Variants in KRT86 observed in about 807,000 individuals in gnomAD.
The protein encoded by KRT86 is keratin, type II cuticular Hb6.
A neutral mutation model predicts 41.2 loss-of-function variants in KRT86; 30 were observed. That is an observed-to-expected ratio of 0.73 (90% CI 0.54 to 0.99). The LOEUF (loss-of-function observed/expected upper bound fraction) is 0.99, where lower values mean the gene tolerates loss of function less well. Ranked by LOEUF, KRT86 falls within the 50% of genes least tolerant of loss-of-function variation. The pLI, the probability that KRT86 is intolerant of heterozygous loss-of-function variation, is 0.00. For missense variants in KRT86, 561 were observed against 571.4 expected (o/e 0.98, Z 0.19); for synonymous variants, 238 against 238.1 (o/e 1.00, Z 0.00).
At chr12:52,299,876 C>A (rs987524425) in intron 2 of KRT86, among the ~76,000 whole-genome samples, 1 of 152,198 alleles carries the variant, frequency 6.6e-6, no homozygotes, top group Admixed American at 6.5e-5. Flanking sequence ...GCAAATATTT[C>A]TTCCATTCTG....
At chr12:52,279,087 G>GCCGGCCCCCGCC (rs1555185465) in intron 2 of KRT86, 10 of 152,054 alleles carry the variant, frequency 6.6e-5, no homozygotes, top group African/African-American at 2.2e-4. Flanking sequence ...CCTCCGTTCA[G>GCCGGCCCCCGCC]CCGGGCTCCG....
rs3741734 is a variant in KRT86, at chr12:52,305,944, G to A, written c.1027-116G>A. On this transcript the variant is annotated intron_variant, in intron 8 of 10. Coordinates refer to ENST00000423955, the MANE Select transcript of KRT86 (RefSeq NM_001320198.2). ...GTCTCTGTGAGTCCCAGGTGATGAA[G>A]GCAAGAGGCTCTGTTCTGGGGTGCT... The A allele has an allele frequency of 0.5, 778,173 of 1,565,358 alleles. 198,037 individuals carry two copies. The highest frequency in any genetic ancestry group is 0.71 in the African/African-American group (51,913 of 73,620).
At chr12:52,304,606 G>T (rs538471243) in intron 5 of KRT86, among the ~76,000 whole-genome samples, 3,176 of 151,756 alleles carry the variant, frequency 0.021, 45 homozygotes, top group Non-Finnish European at 0.03. Context: ...TTGGAGCACT[G>T]CTGGGGGACA....
chr12:52,296,219 G>A (rs1294211984), intron 2 of KRT86, among the ~76,000 whole-genome samples: 2 of 152,174 alleles, frequency 1.3e-5, no homozygotes, highest in Non-Finnish European at 2.9e-5. Flanking sequence ...AAGAAAATGA[G>A]GGAGAGATCT....
At chr12:52,305,909 C>T in intron 8 of KRT86, 121 bp downstream of exon 8, 1 of 1,590,836 alleles carries the variant, frequency 6.3e-7, no homozygotes, top group East Asian at 2.3e-5. Context: ...ATGTAGAGTC[C>T]CTGGTTGTGG....
chr12:52,287,683 C>A (rs1365274265), intron 2 of KRT86: 1 of 1,613,926 alleles, frequency 6.2e-7, no homozygotes, highest in South Asian at 1.1e-5. Flanking sequence ...GGCGCAGGGT[C>A]TCCCCGTGCC....
intron 2 of KRT86, chr12:52,286,542 G>A (rs1937943385): frequency 6.5e-7 from 1 of 1,530,430 alleles, no homozygotes; most frequent in South Asian, 1.2e-5. Flanking sequence ...AAGCCATCCT[G>A]CCTTCCTGAC....
Position 52,304,866 on chromosome 12 carries a change from A to C in KRT86, c.640-66A>C, listed in dbSNP as rs146758795. On this transcript the variant is annotated intron_variant, in intron 5 of 10. Coordinates refer to ENST00000423955, the MANE Select transcript of KRT86 (RefSeq NM_001320198.2). ...CCCCAGGCTTCATGGAATGGGTGGG[A>C]AGAGAGAGGAATCTAGAGGCTGGAT... The C allele has an allele frequency of 6.5e-6, 10 of 1,537,056 alleles. No individual in the cohort carries two copies. In the African/African-American group the frequency reaches 1.1e-4, roughly 17 times the overall value.
At position 52,275,953 on chromosome 12, in the gene KRT86, G is replaced by A. The variant is rs762640480; in HGVS notation, c.-5+7G>A. The A allele has an allele frequency of 1.0e-5, 10 of 985,990 alleles. No individual in the cohort carries two copies. The highest frequency in any genetic ancestry group is 1.2e-5 in the Non-Finnish European group (10 of 829,982). The allele number at this position is 985,990 out of a possible 1,614,324, so 61.1% of individuals were successfully genotyped here. A position where few individuals can be genotyped will look rare whatever the true frequency, so the allele number is the denominator to read the frequency against. On this transcript the variant is annotated splice_region_variant and intron_variant, in intron 2 of 10. Coordinates refer to ENST00000423955, the MANE Select transcript of KRT86 (RefSeq NM_001320198.2). ...GGGCAGTGCTGAGAGTCAGGTGAGA[G>A]GTGGGAGTGGGGGGCAACAGAGTGG...
chr12:52,291,293 G>T (rs1938110228), intron 2 of KRT86: 1 of 1,540,000 alleles, frequency 6.5e-7, no homozygotes, highest in East Asian at 2.5e-5. Context: ...GCGTCCGCAG[G>T]AGCCGGCCCG....
chr12:52,298,749 TC>T (rs1938306223), intron 2 of KRT86, among the ~76,000 whole-genome samples: 1 of 152,218 alleles, frequency 6.6e-6, no homozygotes, highest in South Asian at 2.1e-4. Flanking sequence ...GGAATCTGAG[TC>T]TGTGTGCTTA....
In KRT86 at chr12:52,302,029, A is replaced by G; in HGVS notation, c.113A>G (p.Tyr38Cys). Residue 38 changes from tyrosine to cysteine, a missense_variant, in exon 3 of 11, where the codon TAC (tyrosine) becomes TGC (cysteine). Tyr to Cys is a radical substitution (Grantham distance 194, BLOSUM62 -2). Around this residue, in one of 3 missense-constraint regions of KRT86, gnomAD observed 164 missense variants for 172.5 expected, o/e 0.95. Transcript: ENST00000423955. Reference sequence around the variant, plus strand: ...GCCCCCTACCGTGGCATCTCCTGCTACCGCGGCCTCACCGGGGGCTTCGGC... The same window carrying G: ...GCCCCCTACCGTGGCATCTCCTGCTGCCGCGGCCTCACCGGGGGCTTCGGC... ...TAAPYRGISC[Y>C]RGLTGGFGSH... The G allele has an allele frequency of 6.2e-7, 1 of 1,610,446 alleles. No individual in the cohort carries two copies. Among genetic ancestry groups the G allele is most frequent in the South Asian group, 1.1e-5 (1 of 90,922 alleles).
chr12:52,308,639 C>T lies in KRT86; in HGVS notation c.*54C>T. 6.5e-7 allele frequency: 1 copy of T among 1,543,006 alleles called. No individual in the cohort carries two copies. Among genetic ancestry groups the T allele is most frequent in the South Asian group, 1.1e-5 (1 of 88,470 alleles). ...GCCGTCACTCTCCACCCAGCCAGTA[C>T]CTCGCGCCACCAGAACGCGCCGCCC... On this transcript the variant is annotated 3_prime_UTR_variant, in exon 11 of 11. Coordinates refer to ENST00000423955, the MANE Select transcript of KRT86 (RefSeq NM_001320198.2).
chr12:52,308,592 G>A lies in KRT86; in HGVS notation c.*7G>A, dbSNP rs1442071551. On this transcript the variant is annotated 3_prime_UTR_variant, in exon 11 of 11. Coordinates refer to ENST00000423955, the MANE Select transcript of KRT86 (RefSeq NM_001320198.2). ...CAGCTGTAAGAGGTGCTAGGAGGCT[G>A]CCGCCTCCGCCAGCGCCTGTCGCCG... is the stretch of plus-strand genomic sequence containing the variant. The A allele has an allele frequency of 1.9e-6, 3 of 1,593,932 alleles. No homozygotes were observed. Among genetic ancestry groups the A allele is most frequent in the South Asian group, 2.2e-5 (2 of 90,836 alleles).
At chr12:52,286,449 C>G (rs371683842) in intron 2 of KRT86, 1 of 1,552,810 alleles carries the variant, frequency 6.4e-7, no homozygotes, top group Non-Finnish European at 8.7e-7. Flanking sequence ...GAGCCTGACA[C>G]GCAGAGGTCC....
intron 2 of KRT86, among the ~76,000 whole-genome samples, chr12:52,280,606 T>A (rs1453019523): frequency 6.6e-6 from 1 of 152,152 alleles, no homozygotes; most frequent in Non-Finnish European, 1.5e-5. Flanking sequence ...AAAAGTCTCA[T>A]GCAAGAGGAA....
intron 6 of KRT86, 98 bp downstream of exon 6, chr12:52,305,125 T>A: frequency 6.2e-7 from 1 of 1,604,148 alleles, no homozygotes; most frequent in African/African-American, 1.3e-5. Context: ...TTGCAGTCCC[T>A]GAGGCTGTGT....
intron 3 of KRT86, among the ~76,000 whole-genome samples, chr12:52,302,763 C>G (rs529973872): frequency 4.6e-4 from 64 of 139,138 alleles, no homozygotes; most frequent in African/African-American, 1.7e-3. Context: ...GAGTACTCTG[C>G]CTGTGTGGGT....
chr12:52,279,409 G>A lies in KRT86; in HGVS notation c.-5+3463G>A, dbSNP rs141888725. Reference sequence around the variant, plus strand: ...ACAGGACTATGACTGACCATCCCCAGTGCAGATGGCCTGGACGCTGGTGCC... The same window carrying A: ...ACAGGACTATGACTGACCATCCCCAATGCAGATGGCCTGGACGCTGGTGCC... On this transcript the variant is annotated intron_variant, in intron 2 of 10. Coordinates refer to ENST00000423955, the MANE Select transcript of KRT86 (RefSeq NM_001320198.2). Among the ~76,000 whole-genome samples the A allele has an allele frequency of 5.2e-3, 796 of 152,346 alleles. 6 individuals carry two copies. Among genetic ancestry groups the A allele is most frequent in the Non-Finnish European group, 8.2e-3 (561 of 68,038 alleles).
Sources: allele counts gnomAD v4.1 joint callset (sites outside exome capture counted in the v4.1 genomes callset), GRCh38; gene constraint gnomAD v4.1.1; regional missense constraint gnomAD v4.1.1; transcripts MANE v1.5; gene names NCBI Gene and HGNC (gene_info 2026-07-23, HGNC 2026-07-21).